Variants in PIK3R5 observed in about 807,000 individuals in gnomAD.
PIK3R5 encodes the protein phosphoinositide-3-kinase regulatory subunit 5.
A neutral mutation model predicts 94.9 loss-of-function variants in PIK3R5; 32 were observed. The ratio of observed to expected loss-of-function variants is 0.34; its 90% CI spans 0.25 to 0.45. PIK3R5 has a LOEUF of 0.45. Among genes scored for constraint, PIK3R5 ranks in the 20% least tolerant of loss-of-function variants. The pLI, the probability that PIK3R5 is intolerant of heterozygous loss-of-function variation, is 1.00. For missense variants in PIK3R5, 853 were observed against 1,144.6 expected (o/e 0.75, Z 3.68); for synonymous variants, 443 against 479.4 (o/e 0.92, Z 0.99).
intron 14 of PIK3R5, 35 bp downstream of exon 14, chr17:8,886,194 G>T: frequency 1.3e-6 from 2 of 1,528,580 alleles, no homozygotes; most frequent in Non-Finnish European, 1.8e-6. Flanking sequence ...CCCAGGCCCC[G>T]CCTCACCGTC....
chr17:8,880,093 T>C lies in PIK3R5; in HGVS notation c.*546A>G, dbSNP rs2089617044. The C allele has an allele frequency of 6.6e-6, 1 of 152,450 alleles. No individual in the cohort carries two copies. The highest frequency in any genetic ancestry group is 1.5e-5 in the Non-Finnish European group (1 of 68,138). 9.4% of individuals were successfully genotyped at this position (152,450 alleles called of 1,614,324 possible). ...GAAATTATTGAGGTGTGTGCGTGTG[T>C]GTGTGCGCATGTGCGTACATGCATG... On this transcript the variant is annotated 3_prime_UTR_variant, in exon 19 of 19. Transcript: ENST00000447110.
chr17:8,916,998 G>A (rs1024068838), intron 1 of PIK3R5, among the ~76,000 whole-genome samples: 2 of 152,164 alleles, frequency 1.3e-5, no homozygotes, highest in African/African-American at 4.8e-5. Context: ...CTTCCGTCCT[G>A]GATGACTCCT....
At chr17:8,951,415 C>A (rs182757826) in intron 1 of PIK3R5, among the ~76,000 whole-genome samples, 7 of 152,156 alleles carry the variant, frequency 4.6e-5, no homozygotes, top group African/African-American at 1.7e-4. Context: ...CGCCACTTCT[C>A]CCCCCAGCCT....
intron 1 of PIK3R5, among the ~76,000 whole-genome samples, chr17:8,941,417 G>A (rs981661843): frequency 2.3e-5 from 3 of 132,086 alleles, no homozygotes; most frequent in African/African-American, 8.8e-5. Context: ...GACCAGAGAC[G>A]GCTTGAAGGA....
intron 1 of PIK3R5, among the ~76,000 whole-genome samples, chr17:8,913,122 A>T (rs2090560566): frequency 6.6e-6 from 1 of 152,198 alleles, no homozygotes; most frequent in Non-Finnish European, 1.5e-5. Context: ...GCTGTAAAGG[A>T]TGGTGCTGGG....
In PIK3R5 at chr17:8,909,366, T is replaced by C. The variant is rs181534; in HGVS notation, c.104-192A>G. On this transcript the variant is annotated intron_variant, in intron 2 of 18. Coordinates refer to ENST00000447110, the MANE Select transcript of PIK3R5 (RefSeq NM_001142633.3). This position sits in a 1 kb window ranked among gnomAD's most constrained non-coding sequence, Gnocchi z 4.3. ...GTGCAGTGGTGCGATCTCAGCTCAC[T>C]GCAACCTCTGCCTCCCGGGTTCAAG... Among the ~76,000 whole-genome samples, 98,483 of 151,644 alleles carry C rather than the reference T, an allele frequency of 0.65. 32,307 individuals are homozygous for C. The highest frequency in any genetic ancestry group is 0.72 in the African/African-American group (29,926 of 41,334).
At chr17:8,944,834 CACAGGTA>C (rs1473178814) in intron 1 of PIK3R5, among the ~76,000 whole-genome samples, 2 of 152,032 alleles carry the variant, frequency 1.3e-5, no homozygotes, top group Non-Finnish European at 2.9e-5. Context: ...GATAGTGGCA[CACAGGTA>C]ACTATATCCA....
chr17:8,887,367 G>T, intron 11 of PIK3R5, 146 bp from the exon 12 acceptor site: 1 of 1,346,530 alleles, frequency 7.4e-7, no homozygotes, highest in Non-Finnish European at 1.0e-6. Context: ...TTTGTCATAT[G>T]GCAAAATGTC....
At chr17:8,922,862 T>C (rs2090783700) in intron 1 of PIK3R5, among the ~76,000 whole-genome samples, 1 of 151,556 alleles carries the variant, frequency 6.6e-6, no homozygotes, top group Non-Finnish European at 1.5e-5. Flanking sequence ...GGTGTGGAGG[T>C]CCAGGGAAGG....
rs1199873550 is a variant in PIK3R5 at position 8,890,348 on chromosome 17, A to G, written c.658-222T>C. On this transcript the variant is annotated intron_variant, in intron 7 of 18. Coordinates refer to ENST00000447110, the MANE Select transcript of PIK3R5 (RefSeq NM_001142633.3). This position sits in a 1 kb window ranked among gnomAD's most constrained non-coding sequence, Gnocchi z 6.1. The stretch of plus-strand genomic sequence containing the variant: ...GATCCAGAGCCACGGCACTGCAGTT[A>G]GGAGGGACTTCAGCGCTCCTCACTG... 2.6e-5 allele frequency among the ~76,000 whole-genome samples: 4 copies of G among 152,290 alleles called. No individual in the cohort carries two copies. The highest frequency in any genetic ancestry group is 6.8e-3 in the Middle Eastern group (2 of 294).
rs780916843 is a variant in PIK3R5 at position 8,889,161 on chromosome 17, G to A, written c.873C>T (p.Tyr291=). 1.9e-6 allele frequency: 3 copies of A among 1,614,040 alleles called. No individual in the cohort carries two copies. Among genetic ancestry groups the A allele is most frequent in the South Asian group, 2.2e-5 (2 of 91,076 alleles). ...IPIPVARCYT[Y]SWSQDSFDIL... is the part of the protein sequence containing the mutation. ...TACCAAAGCTGTCCTGGCTCCAGCT[G>A]TAGGTGTAGCACCTGGCGACAGGGA... Residue 291 remains tyrosine, a synonymous_variant, in exon 9 of 19, where the codon TAC becomes TAT. Transcript: ENST00000447110. The surrounding 1 kb of genome is among the most constrained non-coding windows in gnomAD (Gnocchi z 4.1).
intron 1 of PIK3R5, among the ~76,000 whole-genome samples, chr17:8,926,561 C>A (rs1204099673): frequency 1.3e-5 from 2 of 152,108 alleles, no homozygotes; most frequent in Non-Finnish European, 2.9e-5. Context: ...TGGCAGCAGC[C>A]AGAGAAAAAT....
At chr17:8,923,805 A>G (rs929026271) in intron 1 of PIK3R5, among the ~76,000 whole-genome samples, 3 of 151,968 alleles carry the variant, frequency 2.0e-5, no homozygotes, top group Admixed American at 2.0e-4. Flanking sequence ...AATTACACAT[A>G]TATTGGCAGC....
chr17:8,916,728 A>C (rs2090638255), intron 1 of PIK3R5: 1 of 152,310 alleles, frequency 6.6e-6, no homozygotes, highest in African/African-American at 2.4e-5. Flanking sequence ...GGATGCCATG[A>C]TGTGGAGGGC....
rs1006543240 is a variant in PIK3R5, at chr17:8,889,930, C to T, written c.811+43G>A. ...CGTGCACCTTGGGACCTAGAATAGG[C>T]CATGGGGAATGTGGGAGAACCCCAT... On this transcript the variant is annotated intron_variant, in intron 8 of 18. Transcript: ENST00000447110. The surrounding 1 kb of genome is among the most constrained non-coding windows in gnomAD (Gnocchi z 4.1). The T allele has an allele frequency of 2.5e-6, 4 of 1,607,828 alleles. No individual in the cohort carries two copies. Among genetic ancestry groups the T allele is most frequent in the Admixed American group, 3.3e-5 (2 of 59,954 alleles).
rs538796161 is a variant in PIK3R5 at position 8,930,948 on chromosome 17, T to C, written c.-13-19441A>G. ...TCCTCGTGGTGATAGCAATATTCTA[T>C]ATCTTGACTGTATCAAGGTCAATAT... On this transcript the variant is annotated intron_variant, in intron 1 of 18. Transcript: ENST00000447110. 9.2e-4 allele frequency among the ~76,000 whole-genome samples: 140 copies of C among 152,362 alleles called. 1 individual carries two copies. The highest frequency in any genetic ancestry group is 4.9e-4 in the Non-Finnish European group (33 of 68,038).
chr17:8,920,405 T>C (rs1401755242), intron 1 of PIK3R5, among the ~76,000 whole-genome samples: 1 of 152,182 alleles, frequency 6.6e-6, no homozygotes, highest in Non-Finnish European at 1.5e-5. Flanking sequence ...TCTACAGATA[T>C]GAAAACAAAG....
chr17:8,922,690 G>A (rs1463093909), intron 1 of PIK3R5, among the ~76,000 whole-genome samples: 1 of 152,114 alleles, frequency 6.6e-6, no homozygotes, highest in Non-Finnish European at 1.5e-5. Context: ...TTGGGTTAGG[G>A]CTGTTCACTT....
At chr17:8,895,719 T>C (rs2090138332) in intron 5 of PIK3R5, among the ~76,000 whole-genome samples, 1 of 152,170 alleles carries the variant, frequency 6.6e-6, no homozygotes, top group Non-Finnish European at 1.5e-5. Context: ...CAGAAGCTGC[T>C]TCGTATGAGC....
Sources: gnomAD v4.1 joint callset for allele counts (sites outside exome capture counted in the v4.1 genomes callset) on GRCh38, gnomAD v4.1.1 for gene constraint, Gnocchi (gnomAD v3.1) non-coding constraint, MANE v1.5 for transcripts, NCBI Gene and HGNC (gene_info 2026-07-23, HGNC 2026-07-21) for gene names.